Variants in ZZEF1 observed in about 807,000 individuals in gnomAD.
ZZEF1 encodes the protein zinc finger ZZ-type and EF-hand domain-containing protein 1.
A neutral mutation model predicts 342.8 loss-of-function variants in ZZEF1; 157 were observed. That is an observed-to-expected ratio of 0.46 (90% CI 0.40 to 0.52). ZZEF1 has a LOEUF of 0.52. Ranked by LOEUF, ZZEF1 falls within the 20% of genes least tolerant of loss-of-function variation. The pLI is 0.00. For synonymous variants in ZZEF1, 1,505 were observed against 1,429.1 expected (o/e 1.05, Z -1.20); for missense variants, 3,480 against 3,725.6 (o/e 0.93, Z 1.72).
Position 4,014,620 on chromosome 17 carries a change from G to A in ZZEF1, c.8146-105C>T, listed in dbSNP as rs1414010519. On this transcript the variant is annotated intron_variant, in intron 49 of 54. Transcript: ENST00000381638. The surrounding 1 kb of genome is among the most constrained non-coding windows in gnomAD (Gnocchi z 4.4). ...TGGCTGGACCCGGGTGTGTGAGAAT[G>A]AGTGAACCACAGCCCTGGCCTCCAG... 9.0e-6 allele frequency: 11 copies of A among 1,224,044 alleles called. No individual in the cohort carries two copies. The highest frequency in any genetic ancestry group is 1.3e-5 in the Non-Finnish European group (11 of 847,646). The allele number at this position is 1,224,044 out of a possible 1,614,324, so 75.8% of individuals were successfully genotyped here.
At chr17:4,030,027 T>TAAAAA (rs66993338) in intron 42 of ZZEF1, among the ~76,000 whole-genome samples, 14 of 130,846 alleles carry the variant, frequency 1.1e-4, no homozygotes, top group East Asian at 2.2e-4. Context: ...GAGATCCTAT[T>TAAAAA]AAAAAAAAAA....
At position 4,109,767 on chromosome 17, in the gene ZZEF1, C is replaced by G; in HGVS notation, c.1163G>C (p.Gly388Ala). Residue 388 changes from glycine to alanine, a missense_variant, in exon 6 of 55, where the codon GGG (glycine) becomes GCG (alanine). Gly to Ala is a moderately conservative substitution (Grantham distance 60). Transcript: ENST00000381638. ...TGCAGAAGCATCTGAGACTGAGACC[C>G]CAGACTTCTTAACTCTCTGAAAGCC... The part of the protein sequence containing the change: ...AVGFQRVKKS[G>A]VSVSDASAIW... 1 of 1,614,130 alleles carries G rather than the reference C, an allele frequency of 6.2e-7. No homozygotes were observed. The highest frequency in any genetic ancestry group is 8.5e-7 in the Non-Finnish European group (1 of 1,180,036).
intron 6 of ZZEF1, among the ~76,000 whole-genome samples, chr17:4,109,263 T>C (rs184271344): frequency 5.6e-4 from 86 of 152,304 alleles, no homozygotes; most frequent in Admixed American, 1.2e-3. Flanking sequence ...GGTAAAATAA[T>C]AGACTGCATC....
At chr17:4,007,734 C>T (rs2055839170) in intron 54 of ZZEF1, among the ~76,000 whole-genome samples, 1 of 152,172 alleles carries the variant, frequency 6.6e-6, no homozygotes, top group Admixed American at 6.5e-5. Flanking sequence ...GGTGAATTCA[C>T]ACAAACTCTT....
rs2056043651 is a variant in ZZEF1 at position 4,014,300 on chromosome 17, A to G, written c.8314+47T>C. On this transcript the variant is annotated intron_variant, in intron 50 of 54. Coordinates refer to ENST00000381638, the MANE Select transcript of ZZEF1 (RefSeq NM_015113.4). The surrounding 1 kb of genome is among the most constrained non-coding windows in gnomAD (Gnocchi z 4.4). ...AGTTCCCTTCTCAATATTAAGTTTA[A>G]ACACTGCCTGTGAAGAACCTATCTA... The G allele has an allele frequency of 1.9e-6, 3 of 1,612,754 alleles. No homozygotes were observed. The South Asian group carries it at 3.3e-5, about 18-fold the overall frequency.
At chr17:4,019,206 T>A (rs965256969) in intron 46 of ZZEF1, among the ~76,000 whole-genome samples, 2 of 152,082 alleles carry the variant, frequency 1.3e-5, no homozygotes, top group Non-Finnish European at 2.9e-5. Context: ...AAAATTAGGA[T>A]ACGGGGGATG....
intron 11 of ZZEF1, among the ~76,000 whole-genome samples, chr17:4,093,055 A>G (rs2057973593): frequency 6.6e-6 from 1 of 152,156 alleles, no homozygotes; most frequent in Non-Finnish European, 1.5e-5. Context: ...CAACAAAATC[A>G]CGATTTAAGA....
intron 43 of ZZEF1, among the ~76,000 whole-genome samples, chr17:4,023,031 T>C (rs1054196647): frequency 6.6e-6 from 1 of 152,220 alleles, no homozygotes; most frequent in African/African-American, 2.4e-5. Flanking sequence ...TCCAAGCCTC[T>C]GATCATGGCT....
In ZZEF1 at chr17:4,065,021, G is replaced by GT. The variant is rs531740464; in HGVS notation, c.4250-193dup. On this transcript the variant is annotated intron_variant, in intron 28 of 54. Transcript: ENST00000381638. ...GTGCACATGTACCCTAGAATTTAAA[G>GT]TTAAAAAAAAAAGTTTAAATTTATT... 2.2e-4 allele frequency among the ~76,000 whole-genome samples: 34 copies of GT among 151,828 alleles called. 1 individual carries two copies. The East Asian group carries it at 4.1e-3, about 18-fold the overall frequency.
chr17:4,100,187 G>GA (rs751437138), intron 9 of ZZEF1, among the ~76,000 whole-genome samples: 2 of 152,148 alleles, frequency 1.3e-5, no homozygotes, highest in Non-Finnish European at 1.5e-5. Context: ...ATAAGGGGAA[G>GA]AAAAAATCAC....
At chr17:4,098,329 T>C (rs1485980996) in intron 9 of ZZEF1, among the ~76,000 whole-genome samples, 3 of 151,844 alleles carry the variant, frequency 2.0e-5, no homozygotes, top group African/African-American at 7.3e-5. Context: ...GGAGGATCGC[T>C]TGAGCCTGGG....
chr17:4,092,707 A>T (rs2145394035), intron 11 of ZZEF1, among the ~76,000 whole-genome samples: 1 of 152,324 alleles, frequency 6.6e-6, no homozygotes, highest in East Asian at 1.9e-4. Flanking sequence ...AAACCATGTC[A>T]ATGAGTTTCA....
chr17:4,011,603 C>G (rs1459303941), intron 52 of ZZEF1, among the ~76,000 whole-genome samples: 1 of 151,512 alleles, frequency 6.6e-6, no homozygotes, highest in Non-Finnish European at 1.5e-5. Context: ...TTAATTCCAA[C>G]TCAATATCCT....
Position 4,142,652 on chromosome 17 carries a change from G to C in ZZEF1, c.244C>G (p.Arg82Gly). The part of the protein sequence containing the change: ...LVSRHRGALF[R>G]WLEERLGRGE... Reference sequence around the variant, plus strand: ...CGGCCCAGCCGCTCTTCCAGCCAGCGAAACAACGCGCCGCGATGCCTCGAC... The same window carrying C: ...CGGCCCAGCCGCTCTTCCAGCCAGCCAAACAACGCGCCGCGATGCCTCGAC... Residue 82 changes from arginine to glycine, a missense_variant, in exon 1 of 55, where the codon CGC becomes GGC. This residue lies in a region of ZZEF1 where 416 missense variants were observed against 374.2 expected (regional missense o/e 1.11). Transcript: ENST00000381638. 1 of 1,607,432 alleles carries C rather than the reference G, an allele frequency of 6.2e-7. No homozygotes were observed. Among genetic ancestry groups the C allele is most frequent in the Admixed American group, 1.7e-5 (1 of 60,000 alleles).
chr17:4,084,931 G>A (rs540123210), intron 16 of ZZEF1, among the ~76,000 whole-genome samples: 6 of 152,032 alleles, frequency 3.9e-5, no homozygotes, highest in Non-Finnish European at 7.4e-5. Context: ...TGGGCAATAT[G>A]GCAAAACTCA....
chr17:4,076,983 C>T lies in ZZEF1; in HGVS notation c.2996G>A (p.Gly999Asp). ...CGCTCTCATGCTTGCCAGAAACTGG[C>T]CCACATCTACCGAAACAAAGAAAAT... ...LAVDLIEKYVGQFLASMRAIL... is the reference protein window; with the variant it reads ...LAVDLIEKYVDQFLASMRAIL... The change falls in exon 20 of 55, where the codon GGC becomes GAC. Residue 999 changes from glycine to aspartate, a missense_variant. Around this residue, in one of 5 missense-constraint regions of ZZEF1, gnomAD observed 1,528 missense variants for 1,624.1 expected, o/e 0.94. Coordinates refer to ENST00000381638, the MANE Select transcript of ZZEF1 (RefSeq NM_015113.4). 6.2e-7 allele frequency: 1 copy of T among 1,611,980 alleles called. No individual in the cohort carries two copies. Among genetic ancestry groups the T allele is most frequent in the African/African-American group, 1.3e-5 (1 of 74,944 alleles).
At chr17:4,078,990 G>C (rs1354083090) in intron 18 of ZZEF1, among the ~76,000 whole-genome samples, 3 of 152,172 alleles carry the variant, frequency 2.0e-5, no homozygotes, top group Non-Finnish European at 4.4e-5. Context: ...CTAGCAAGGA[G>C]GTTTAATGAT....
chr17:4,008,354 T>TAAAA lies in ZZEF1; in HGVS notation c.8805+528_8805+529insTTTT. 5.9e-6 allele frequency: 1 copy of TAAAA among 168,962 alleles called. No homozygotes were observed. 10.5% of individuals were successfully genotyped at this position (168,962 alleles called of 1,614,324 possible). ...ACGTGTTATTCATGTTAACATGAAATGGGTTCACTACTTTAAAAAAATAAA... is the reference window on the plus strand; with the variant it reads ...ACGTGTTATTCATGTTAACATGAAATAAAAGGGTTCACTACTTTAAAAAAATAAA... On this transcript the variant is annotated intron_variant, in intron 54 of 54. Coordinates refer to ENST00000381638, the MANE Select transcript of ZZEF1 (RefSeq NM_015113.4). The surrounding 1 kb of genome is among the most constrained non-coding windows in gnomAD (Gnocchi z 4.2).
intron 32 of ZZEF1, among the ~76,000 whole-genome samples, chr17:4,057,247 G>A (rs989119751): frequency 2.0e-5 from 3 of 152,170 alleles, no homozygotes; most frequent in African/African-American, 2.4e-5. Context: ...GTGCTGCCCC[G>A]CCTCTGCCAA....
Sources: allele counts gnomAD v4.1 joint callset (sites outside exome capture counted in the v4.1 genomes callset), GRCh38; gene constraint gnomAD v4.1.1; regional missense constraint gnomAD v4.1.1; non-coding constraint Gnocchi (gnomAD v3.1); transcripts MANE v1.5; gene names NCBI Gene and HGNC (gene_info 2026-07-23, HGNC 2026-07-21).